Variants in YEATS2 observed in about 807,000 individuals in gnomAD.
YEATS2 encodes YEATS domain-containing protein 2.
Under a neutral mutation model 163.2 loss-of-function variants are expected in YEATS2, and 77 were observed. That is an observed-to-expected ratio of 0.47 (90% CI 0.39 to 0.57). YEATS2 has a LOEUF of 0.57. YEATS2 is among the 20% of genes least tolerant of loss of function. The probability of loss-of-function intolerance (pLI) is 0.00; values close to 1 mark genes in which losing one functional copy is unlikely to be tolerated. For missense variants in YEATS2, 1,549 were observed against 1,729.8 expected, an observed-to-expected ratio of 0.90 and a Z score of 1.85; for synonymous variants, 631 against 645.1, an observed-to-expected ratio of 0.98 and a Z score of 0.33.
chr3:183,755,006 T>C (rs1011431195), intron 11 of YEATS2, among the ~76,000 whole-genome samples: 14 of 152,150 alleles, frequency 9.2e-5, no homozygotes, highest in Non-Finnish European at 1.8e-4. Context: ...GACTTCTGTA[T>C]AATAGTTAAA....
rs75141197 is a variant in YEATS2, at chr3:183,764,047, G to C, written c.1947+1768G>C. Among the ~76,000 whole-genome samples, 1,840 of 152,020 alleles carry C rather than the reference G, an allele frequency of 0.012. 66 individuals are homozygous for C. In the East Asian group the frequency reaches 0.14, roughly 12 times the overall value. On this transcript the variant is annotated intron_variant, in intron 15 of 30. Coordinates refer to ENST00000305135, the MANE Select transcript of YEATS2 (RefSeq NM_018023.5). ...TGTGCCACTGCATTTCAGCCTGGGT[G>C]ACAGAGGGAGACTGTCTCAAAAACA... is the stretch of plus-strand genomic sequence containing the variant.
At chr3:183,754,512 T>G (rs1479787518) in intron 11 of YEATS2, 147 bp downstream of exon 11, 2 of 1,160,310 alleles carry the variant, frequency 1.7e-6, no homozygotes, top group African/African-American at 3.1e-5. Flanking sequence ...CACTGTTGAT[T>G]GGCAAAGCTG....
chr3:183,714,755 A>G (rs767734357), intron 1 of YEATS2, among the ~76,000 whole-genome samples: 6 of 152,188 alleles, frequency 3.9e-5, no homozygotes, highest in Non-Finnish European at 7.3e-5. Context: ...GTGTGGGCTA[A>G]CCATGTTTTC....
intron 5 of YEATS2, among the ~76,000 whole-genome samples, chr3:183,723,454 C>A (rs1716746189): frequency 6.6e-6 from 1 of 152,044 alleles, no homozygotes; most frequent in Admixed American, 6.6e-5. Flanking sequence ...CATATGTGTT[C>A]ATTTTTTGAA....
rs555685179 is a variant in YEATS2, at chr3:183,743,924, C to T, written c.925-3748C>T. 8.6e-5 allele frequency among the ~76,000 whole-genome samples: 13 copies of T among 152,028 alleles called. No homozygotes were observed. The South Asian group carries it at 2.5e-3, about 29-fold the overall frequency. ...TTAAGCCATGCTGAAATTTCTCTTC[C>T]ATTGGTGATAGGTGGGACTGCTTAA... On this transcript the variant is annotated intron_variant, in intron 8 of 30. Transcript: ENST00000305135.
At chr3:183,785,615 C>T (rs1050885455) in intron 19 of YEATS2, among the ~76,000 whole-genome samples, 17 of 151,976 alleles carry the variant, frequency 1.1e-4, no homozygotes, top group South Asian at 2.1e-4. Context: ...ATGATTGTGC[C>T]ATTACACTCC....
At chr3:183,777,722 C>T (rs887487081) in intron 19 of YEATS2, 22 bp downstream of exon 19, 6 of 1,599,242 alleles carry the variant, frequency 3.8e-6, no homozygotes, top group Non-Finnish European at 3.4e-6. Flanking sequence ...CATGCACACA[C>T]CCCAAATATG....
At chr3:183,777,238 T>A (rs903379831) in intron 18 of YEATS2, among the ~76,000 whole-genome samples, 1 of 152,216 alleles carries the variant, frequency 6.6e-6, no homozygotes, top group African/African-American at 2.4e-5. Context: ...CCAGATGTTC[T>A]TATTGAGAAA....
chr3:183,720,688 G>C (rs2109054069), intron 4 of YEATS2, among the ~76,000 whole-genome samples: 1 of 152,166 alleles, frequency 6.6e-6, no homozygotes, highest in Non-Finnish European at 1.5e-5. Context: ...CATTTTCCTA[G>C]GGCTACCATA....
intron 21 of YEATS2, among the ~76,000 whole-genome samples, chr3:183,791,250 G>C (rs1315407951): frequency 2.0e-5 from 3 of 152,238 alleles, no homozygotes; most frequent in African/African-American, 7.2e-5. Flanking sequence ...GCCCAGGCTG[G>C]TGTTGAACTC....
chr3:183,781,263 G>A (rs1034322177), intron 19 of YEATS2, among the ~76,000 whole-genome samples: 1 of 152,130 alleles, frequency 6.6e-6, no homozygotes, highest in Non-Finnish European at 1.5e-5. Flanking sequence ...CGAACTGGTG[G>A]GCATGGGAGT....
At chr3:183,782,137 T>C (rs1247261753) in intron 19 of YEATS2, among the ~76,000 whole-genome samples, 30 of 152,114 alleles carry the variant, frequency 2.0e-4, no homozygotes, top group African/African-American at 7.2e-4. Context: ...GAGACAGAGT[T>C]TCGCTCTTGT....
At chr3:183,759,966 G>T (rs900355154) in intron 13 of YEATS2, among the ~76,000 whole-genome samples, 2 of 152,164 alleles carry the variant, frequency 1.3e-5, no homozygotes. Flanking sequence ...CTTTTTCTGG[G>T]TAAGCAGTCC....
chr3:183,799,059 C>T, intron 23 of YEATS2, 70 bp downstream of exon 23: 1 of 1,178,032 alleles, frequency 8.5e-7, no homozygotes, highest in Non-Finnish European at 1.3e-6. Flanking sequence ...ACGTTCTCTC[C>T]TGATGTCCAG....
chr3:183,807,778 C>T (rs368514414), intron 28 of YEATS2: 12 of 400,310 alleles, frequency 3.0e-5, no homozygotes, highest in Admixed American at 2.1e-4. Context: ...TGTTCTCCCA[C>T]GAAGGAGATT....
At chr3:183,795,316 C>T (rs556243966) in intron 21 of YEATS2, among the ~76,000 whole-genome samples, 1 of 152,016 alleles carries the variant, frequency 6.6e-6, no homozygotes, top group Non-Finnish European at 1.5e-5. Flanking sequence ...AGAGCAGAGT[C>T]TTGCTCTGTT....
chr3:183,810,940 T>C lies in YEATS2; in HGVS notation c.*357T>C. 1 of 211,166 alleles carries C rather than the reference T, an allele frequency of 4.7e-6. No individual in the cohort carries two copies. Among genetic ancestry groups the C allele is most frequent in the South Asian group, 7.9e-5 (1 of 12,634 alleles). 13.1% of individuals were successfully genotyped at this position (211,166 alleles called of 1,614,324 possible). A position where few individuals can be genotyped will look rare whatever the true frequency, so the allele number is the denominator to read the frequency against. On this transcript the variant is annotated 3_prime_UTR_variant, in exon 31 of 31. Transcript: ENST00000305135. ...TCCTTGGGCCCGCCTCCCCAGGAGG[T>C]AGAAAATGAGTGGCAGGCTAGAGAT...
intron 25 of YEATS2, chr3:183,802,250 T>A (rs980755048): frequency 6.6e-6 from 1 of 152,644 alleles, no homozygotes; most frequent in Non-Finnish European, 1.5e-5. Flanking sequence ...AAGACCACCA[T>A]GCACACTCAG....
At chr3:183,762,043 T>C (rs1721416266) in intron 14 of YEATS2, 54 bp from the exon 15 acceptor site, 1 of 1,610,526 alleles carries the variant, frequency 6.2e-7, no homozygotes, top group Non-Finnish European at 8.5e-7. Context: ...TTAGCAGCTT[T>C]ATAAAATGGG....
Sources: allele counts gnomAD v4.1 joint callset (sites outside exome capture counted in the v4.1 genomes callset), GRCh38; gene constraint gnomAD v4.1.1; transcripts MANE v1.5; gene names NCBI Gene and HGNC (gene_info 2026-07-23, HGNC 2026-07-21).